The following TAFA1 variants were observed in gnomAD, a reference collection of about 807,000 sequenced individuals.
TAFA1 encodes the protein TAFA chemokine like family member 1, also known as chemokine-like protein TAFA-1.
TAFA1 carries 4 observed loss-of-function variants against 18.5 expected under a neutral mutation model. That is an observed-to-expected ratio of 0.22 (90% CI 0.11 to 0.49). The LOEUF (loss-of-function observed/expected upper bound fraction) is 0.49, where lower values mean the gene tolerates loss of function less well. Among genes scored for constraint, TAFA1 ranks in the 20% least tolerant of loss-of-function variants. TAFA1 has a pLI of 0.98. For missense variants in TAFA1, 147 were observed against 169.0 expected, an observed-to-expected ratio of 0.87 and a Z score of 0.72; for synonymous variants, 56 against 55.2, an observed-to-expected ratio of 1.01 and a Z score of -0.06.
chr3:68,039,055 G>A (rs146911361), intron 2 of TAFA1, among the ~76,000 whole-genome samples: 250 of 152,224 alleles, frequency 1.6e-3, no homozygotes, highest in African/African-American at 5.8e-3. Context: ...CAGGGGCTGT[G>A]TCTCTCTTGT....
intron 2 of TAFA1, among the ~76,000 whole-genome samples, chr3:68,240,765 T>C (rs976639660): frequency 2.6e-5 from 4 of 152,198 alleles, no homozygotes; most frequent in Admixed American, 1.3e-4. Context: ...TGAAGCGCTG[T>C]AATTTTTACA....
chr3:68,393,773 T>C (rs1462271174), intron 2 of TAFA1, among the ~76,000 whole-genome samples: 1 of 152,134 alleles, frequency 6.6e-6, no homozygotes, highest in African/African-American at 2.4e-5. Context: ...TACGTGATTA[T>C]CTCAATAGAT....
intron 2 of TAFA1, among the ~76,000 whole-genome samples, chr3:68,345,251 G>A (rs1318324778): frequency 6.6e-6 from 1 of 152,074 alleles, no homozygotes; most frequent in Non-Finnish European, 1.5e-5. Flanking sequence ...ACAATGGACT[G>A]GAATGAAAGT....
At chr3:68,212,841 G>C (rs2066612425) in intron 2 of TAFA1, among the ~76,000 whole-genome samples, 4 of 151,854 alleles carry the variant, frequency 2.6e-5, no homozygotes, top group Admixed American at 2.6e-4. Context: ...ATCTTTACTT[G>C]GTGCTGCACT....
At chr3:68,075,323 A>G (rs953607291) in intron 2 of TAFA1, among the ~76,000 whole-genome samples, 72 of 152,148 alleles carry the variant, frequency 4.7e-4, no homozygotes, top group African/African-American at 1.5e-3. Flanking sequence ...GTGACCTTCA[A>G]TGAGTTTCCT....
At chr3:68,432,944 G>C (rs147377683) in intron 3 of TAFA1, among the ~76,000 whole-genome samples, 2 of 152,002 alleles carry the variant, frequency 1.3e-5, no homozygotes, top group East Asian at 1.9e-4. Context: ...AGACTCCCTA[G>C]GTTACTTCAT....
intron 3 of TAFA1, among the ~76,000 whole-genome samples, chr3:68,437,006 C>T (rs548809695): frequency 6.6e-6 from 1 of 150,718 alleles, no homozygotes; most frequent in Non-Finnish European, 1.5e-5. Flanking sequence ...CTTACATGGA[C>T]AAATCCCACA....
At position 68,190,137 on chromosome 3, in the gene TAFA1, C is replaced by T. The variant is rs947625263; in HGVS notation, c.118+183393C>T. 6.0e-5 allele frequency among the ~76,000 whole-genome samples: 9 copies of T among 151,104 alleles called. No individual in the cohort carries two copies. The East Asian group carries it at 7.8e-4, about 13-fold the overall frequency. On this transcript the variant is annotated intron_variant, in intron 2 of 4. Transcript: ENST00000478136. The stretch of plus-strand genomic sequence containing the variant: ...GAGTGGTATCAGAAAGAGATACTAA[C>T]GAATTCTAACATTTTGTCATTCTTT...
intron 2 of TAFA1, among the ~76,000 whole-genome samples, chr3:68,093,030 G>T (rs529190357): frequency 3.9e-5 from 6 of 152,238 alleles, no homozygotes; most frequent in Admixed American, 1.3e-4. Flanking sequence ...ATTAATAAAT[G>T]AAATTCACTT....
intron 3 of TAFA1, among the ~76,000 whole-genome samples, chr3:68,490,846 T>C (rs2072438685): frequency 6.6e-6 from 1 of 152,096 alleles, no homozygotes; most frequent in African/African-American, 2.4e-5. Flanking sequence ...TTTTCTTTTT[T>C]TTTTGTGGGG....
chr3:68,496,192 T>G (rs2072546125), intron 3 of TAFA1, among the ~76,000 whole-genome samples: 3 of 152,060 alleles, frequency 2.0e-5, no homozygotes, highest in Non-Finnish European at 4.4e-5. Flanking sequence ...GTGAATAAAT[T>G]AGGAAAACAG....
chr3:68,254,717 C>A (rs564065016), intron 2 of TAFA1, among the ~76,000 whole-genome samples: 25 of 152,156 alleles, frequency 1.6e-4, no homozygotes, highest in Admixed American at 1.4e-3. Context: ...AGTAGACCTA[C>A]CACAATTAAG....
In TAFA1 at chr3:68,417,402, C is replaced by T. The variant is rs1055625351; in HGVS notation, c.241C>T (p.Arg81Trp). 27 of 1,613,304 alleles carry T rather than the reference C, an allele frequency of 1.7e-5. No individual in the cohort carries two copies. Among genetic ancestry groups the T allele is most frequent in the African/African-American group, 4.0e-5 (3 of 74,830 alleles). Residue 81 changes from arginine to tryptophan, a missense_variant, in exon 3 of 5, where the codon CGG becomes TGG. Arg to Trp is a moderately radical substitution (Grantham distance 101). Coordinates refer to ENST00000478136, the MANE Select transcript of TAFA1 (RefSeq NM_213609.4). The stretch of plus-strand genomic sequence containing the variant: ...AAAAGTGGCTGGAACAACAAGAAAC[C>T]GGCCTTCTTGCGTCGATGGTAGGTA... Reference protein sequence around the residue: ...PGKVAGTTRNRPSCVDASIVI... With the variant: ...PGKVAGTTRNWPSCVDASIVI...
intron 2 of TAFA1, chr3:68,145,725 C>A (rs2065731262): frequency 5.8e-6 from 4 of 692,820 alleles, no homozygotes; most frequent in Non-Finnish European, 1.0e-5. Context: ...TATTGGATGG[C>A]TTAAGCACCT....
chr3:68,089,123 C>G (rs2065003829), intron 2 of TAFA1, among the ~76,000 whole-genome samples: 1 of 152,046 alleles, frequency 6.6e-6, no homozygotes, highest in South Asian at 2.1e-4. Flanking sequence ...AGACATACAA[C>G]TGGAAATGTT....
At chr3:68,381,878 G>T (rs2069966428) in intron 2 of TAFA1, among the ~76,000 whole-genome samples, 1 of 152,110 alleles carries the variant, frequency 6.6e-6, no homozygotes, top group Admixed American at 6.6e-5. Flanking sequence ...TCCAGTTTTT[G>T]CCCATTCAGT....
chr3:68,351,815 C>CA (rs1432664731), intron 2 of TAFA1, among the ~76,000 whole-genome samples: 1 of 151,932 alleles, frequency 6.6e-6, no homozygotes, highest in Non-Finnish European at 1.5e-5. Context: ...TTCTCCCCAG[C>CA]AGAGAGGGGG....
intron 2 of TAFA1, among the ~76,000 whole-genome samples, chr3:68,041,140 A>G (rs1039250118): frequency 5.9e-5 from 9 of 152,252 alleles, no homozygotes; most frequent in African/African-American, 2.2e-4. Flanking sequence ...GCTGTAAATA[A>G]AGACATAATC....
At chr3:68,403,912 C>T (rs1265650253) in intron 2 of TAFA1, among the ~76,000 whole-genome samples, 1 of 152,156 alleles carries the variant, frequency 6.6e-6, no homozygotes, top group Non-Finnish European at 1.5e-5. Context: ...CTCCTCCTCC[C>T]ACAAGGGGAT....
Sources: allele counts gnomAD v4.1 joint callset (sites outside exome capture counted in the v4.1 genomes callset), GRCh38; gene constraint gnomAD v4.1.1; transcripts MANE v1.5; gene names NCBI Gene and HGNC (gene_info 2026-07-23, HGNC 2026-07-21).